Variants in DPP6 observed in about 807,000 individuals in gnomAD.
DPP6 encodes dipeptidyl peptidase like 6.
DPP6 carries 69 observed loss-of-function variants against 122.6 expected under a neutral mutation model. The ratio of observed to expected loss-of-function variants is 0.56; its 90% confidence interval spans 0.46 to 0.69. DPP6 has a LOEUF of 0.69. Ranked by LOEUF, DPP6 falls within the 30% of genes least tolerant of loss-of-function variation. The probability of loss-of-function intolerance (pLI) is 0.00; values close to 1 mark genes in which losing one functional copy is unlikely to be tolerated. For missense variants in DPP6, 928 were observed against 1,116.9 expected (o/e 0.83, Z 2.41); for synonymous variants, 418 against 433.1 (o/e 0.97, Z 0.43).
chr7:154,350,666 C>T (rs1050003295), intron 1 of DPP6, among the ~76,000 whole-genome samples: 3 of 152,106 alleles, frequency 2.0e-5, no homozygotes, highest in Non-Finnish European at 2.9e-5. Flanking sequence ...AACAGGTGCA[C>T]CCTGGTGTTA....
chr7:153,762,720 C>T, the DPP6 span, among the ~76,000 whole-genome samples: 49 of 152,182 alleles, frequency 3.2e-4, no homozygotes, highest in African/African-American at 1.1e-3. Flanking sequence ...GTGGAGGTTG[C>T]GGTGAGCCAA....
At chr7:154,080,632 G>T (rs1803921390) in intron 1 of DPP6, among the ~76,000 whole-genome samples, 1 of 152,104 alleles carries the variant, frequency 6.6e-6, no homozygotes, top group African/African-American at 2.4e-5. Flanking sequence ...ACCTGTCTTG[G>T]TGCCACCCAA....
intron 3 of DPP6, among the ~76,000 whole-genome samples, chr7:154,511,243 A>G (rs1393133279): frequency 1.3e-5 from 2 of 152,180 alleles, no homozygotes; most frequent in African/African-American, 4.8e-5. Context: ...AGGACAAAAC[A>G]TCTAGCATGC....
intron 1 of DPP6, among the ~76,000 whole-genome samples, chr7:154,054,469 A>G (rs1158239983): frequency 1.3e-5 from 2 of 151,934 alleles, no homozygotes; most frequent in Non-Finnish European, 2.9e-5. Flanking sequence ...TTTGTGGGAG[A>G]TGTGGTTTGC....
At chr7:154,446,734 T>G (rs375909089) in intron 2 of DPP6, among the ~76,000 whole-genome samples, 1 of 152,196 alleles carries the variant, frequency 6.6e-6, no homozygotes, top group Non-Finnish European at 1.5e-5. Flanking sequence ...TAGGTACTAC[T>G]GAATATTACA....
chr7:154,058,391 A>C, intron 1 of DPP6: 1 of 136,482 alleles, frequency 7.3e-6, no homozygotes, highest in Non-Finnish European at 1.6e-5. Context: ...GAGGACCCCC[A>C]TCGCAGGAGG....
At chr7:153,832,059 G>C in the DPP6 span, among the ~76,000 whole-genome samples, 1 of 152,206 alleles carries the variant, frequency 6.6e-6, no homozygotes, top group African/African-American at 2.4e-5. Context: ...ACAGGTGCAG[G>C]GTGGTGGGGG....
At chr7:154,188,066 G>T (rs1798435812) in intron 1 of DPP6, among the ~76,000 whole-genome samples, 2 of 152,032 alleles carry the variant, frequency 1.3e-5, no homozygotes, top group Admixed American at 1.3e-4. Flanking sequence ...GCACGATGCA[G>T]ATCGTCTTGT....
intron 1 of DPP6, among the ~76,000 whole-genome samples, chr7:154,243,371 C>T (rs1359314981): frequency 6.6e-6 from 1 of 151,642 alleles, no homozygotes; most frequent in Non-Finnish European, 1.5e-5. Context: ...ATAAATATAG[C>T]CAAGGAATTA....
At chr7:154,139,981 C>T in intron 1 of DPP6, among the ~76,000 whole-genome samples, 1 of 152,082 alleles carries the variant, frequency 6.6e-6, no homozygotes, top group Non-Finnish European at 1.5e-5. Context: ...TGACAAAGTG[C>T]CCCACAAAAT....
chr7:154,158,267 C>T (rs1217343793), intron 1 of DPP6, among the ~76,000 whole-genome samples: 6 of 151,216 alleles, frequency 4.0e-5, no homozygotes, highest in Non-Finnish European at 7.4e-5. Context: ...AACTACCCAA[C>T]CCCCATGTTC....
chr7:154,427,495 T>A (rs1818011135), intron 1 of DPP6, among the ~76,000 whole-genome samples: 1 of 152,248 alleles, frequency 6.6e-6, no homozygotes. Flanking sequence ...CAGAAGAGGC[T>A]GAACTTGACT....
At chr7:153,857,488 G>C in the DPP6 span, among the ~76,000 whole-genome samples, 103,718 of 151,896 alleles carry the variant, frequency 0.68, 35,957 homozygotes, top group South Asian at 0.79. Context: ...TCCTCTCTGC[G>C]CAGACACTGC....
intron 1 of DPP6, among the ~76,000 whole-genome samples, chr7:154,073,540 G>A (rs1332106573): frequency 2.0e-5 from 3 of 152,190 alleles, no homozygotes; most frequent in Non-Finnish European, 4.4e-5. Context: ...ACTCAAGGAC[G>A]AGTACTTTTC....
chr7:154,286,806 T>C (rs576133643), intron 1 of DPP6, among the ~76,000 whole-genome samples: 1 of 146,670 alleles, frequency 6.8e-6, no homozygotes, highest in African/African-American at 2.5e-5. Context: ...GATTTCTTCT[T>C]TTTTTTTTTT....
chr7:154,190,309 TCCAGGTGAGGTTGGCTAGAATAC>T (rs1242461053), intron 1 of DPP6, among the ~76,000 whole-genome samples: 2 of 152,072 alleles, frequency 1.3e-5, no homozygotes, highest in East Asian at 3.9e-4. Flanking sequence ...TCCCTAGTCT[TCCAGGTGAGGTTGGCTAGAATAC>T]CCAGGGGAGG....
chr7:154,428,227 A>G (rs1042223809), intron 1 of DPP6, among the ~76,000 whole-genome samples: 2 of 152,214 alleles, frequency 1.3e-5, no homozygotes, highest in African/African-American at 4.8e-5. Flanking sequence ...TATTTTTAAA[A>G]AACCTTGAAA....
intron 1 of DPP6, among the ~76,000 whole-genome samples, chr7:154,342,805 T>C (rs1209127681): frequency 6.6e-6 from 1 of 152,216 alleles, no homozygotes; most frequent in Admixed American, 6.5e-5. Context: ...GTCCACTTCC[T>C]AAAAGTTAAA....
intron 1 of DPP6, among the ~76,000 whole-genome samples, chr7:154,393,950 C>A (rs1312111290): frequency 6.6e-6 from 1 of 152,086 alleles, no homozygotes; most frequent in South Asian, 2.1e-4. Flanking sequence ...CCTCAAGGTG[C>A]CTCCATGTTG....
Sources: gnomAD v4.1 joint callset for allele counts (sites outside exome capture counted in the v4.1 genomes callset) on GRCh38, gnomAD v4.1.1 for gene constraint, MANE v1.5 for transcripts, NCBI Gene and HGNC (gene_info 2026-07-23, HGNC 2026-07-21) for gene names.